The following RBFOX3 variants were observed in gnomAD, a reference collection of about 807,000 sequenced individuals.
RBFOX3 encodes RNA binding protein fox-1 homolog 3.
In RBFOX3, 17 loss-of-function variants were observed where a neutral mutation model predicts 48.7. That is an observed-to-expected ratio of 0.35 (90% CI 0.24 to 0.52). The LOEUF is 0.52. RBFOX3 is among the 20% of genes least tolerant of loss of function. The pLI is 0.94. For synonymous variants in RBFOX3, 212 were observed against 209.5 expected, an observed-to-expected ratio of 1.01 and a Z score of -0.10; for missense variants, 382 against 497.5, an observed-to-expected ratio of 0.77 and a Z score of 2.21.
chr17:79,525,608 G>C (rs1047701233), intron 1 of RBFOX3, among the ~76,000 whole-genome samples: 1 of 152,176 alleles, frequency 6.6e-6, no homozygotes, highest in Non-Finnish European at 1.5e-5. Flanking sequence ...TCACATACGT[G>C]TAATCAAATC....
chr17:79,608,652 T>G (rs2093893818), intron 1 of RBFOX3, among the ~76,000 whole-genome samples: 1 of 152,130 alleles, frequency 6.6e-6, no homozygotes, highest in Admixed American at 6.5e-5. Flanking sequence ...TCTTGCTCCT[T>G]AACCCCTTCA....
intron 1 of RBFOX3, among the ~76,000 whole-genome samples, chr17:79,576,543 T>C (rs1225090773): frequency 7.4e-6 from 1 of 134,982 alleles, no homozygotes; most frequent in Non-Finnish European, 1.6e-5. Flanking sequence ...CATGGAGAAG[T>C]TGGAGATGAT....
At chr17:79,143,945 C>A (rs34789059) in intron 4 of RBFOX3, among the ~76,000 whole-genome samples, 38,001 of 152,208 alleles carry the variant, frequency 0.25, 5,074 homozygotes, top group Non-Finnish European at 0.31. Context: ...ACGGACACCC[C>A]CATCCTTCCA....
At chr17:79,127,577 T>G (rs2037633590) in intron 4 of RBFOX3, among the ~76,000 whole-genome samples, 1 of 152,172 alleles carries the variant, frequency 6.6e-6, no homozygotes, top group Non-Finnish European at 1.5e-5. Context: ...GGATGAAGAT[T>G]AAGCTGGAAA....
At chr17:79,262,918 G>A (rs1403086671) in intron 3 of RBFOX3, among the ~76,000 whole-genome samples, 2 of 152,274 alleles carry the variant, frequency 1.3e-5, no homozygotes, top group Admixed American at 1.3e-4. Flanking sequence ...GTTTCAGGTG[G>A]CCTGGCTGCC....
intron 2 of RBFOX3, among the ~76,000 whole-genome samples, chr17:79,372,719 T>G (rs1034474368): frequency 2.0e-5 from 3 of 151,786 alleles, no homozygotes; most frequent in Non-Finnish European, 2.9e-5. Flanking sequence ...GATTAACCCT[T>G]CTCATGCTCC....
chr17:79,468,707 C>T (rs1000195508), intron 2 of RBFOX3, among the ~76,000 whole-genome samples: 16 of 110,692 alleles, frequency 1.4e-4, no homozygotes, highest in South Asian at 1.4e-3. Context: ...GGAGGATAGA[C>T]GAATGGATGC....
chr17:79,444,480 A>G (rs1462068379), intron 2 of RBFOX3, among the ~76,000 whole-genome samples: 2 of 152,096 alleles, frequency 1.3e-5, no homozygotes, highest in African/African-American at 4.8e-5. Flanking sequence ...CAAAGCCCAC[A>G]TAGGCCGGTG....
At chr17:79,416,180 A>G (rs1437963046) in intron 2 of RBFOX3, among the ~76,000 whole-genome samples, 2 of 152,134 alleles carry the variant, frequency 1.3e-5, no homozygotes, top group Non-Finnish European at 2.9e-5. Flanking sequence ...GTCTCAGCTC[A>G]CCTGGGAGGG....
chr17:79,546,826 C>T (rs1227808945), intron 1 of RBFOX3, among the ~76,000 whole-genome samples: 2 of 151,998 alleles, frequency 1.3e-5, no homozygotes, highest in African/African-American at 4.8e-5. Context: ...TACACCACCA[C>T]ACCCGGCTAA....
At chr17:79,642,400 T>A in the RBFOX3 span, among the ~76,000 whole-genome samples, 2 of 152,340 alleles carry the variant, frequency 1.3e-5, no homozygotes, top group East Asian at 1.9e-4. Flanking sequence ...GTGATAGGCA[T>A]GTTAATTTGC....
intron 6 of RBFOX3, among the ~76,000 whole-genome samples, chr17:79,104,884 C>T (rs892862654): frequency 6.6e-6 from 1 of 151,882 alleles, no homozygotes; most frequent in Non-Finnish European, 1.5e-5. Context: ...GGACCCTGCA[C>T]AGCCTGTCAT....
intron 2 of RBFOX3, among the ~76,000 whole-genome samples, chr17:79,469,549 C>T (rs1005332082): frequency 7.9e-5 from 12 of 152,176 alleles, no homozygotes; most frequent in Admixed American, 6.5e-4. Context: ...ACCACCTGCT[C>T]GCACCTCACA....
intron 1 of RBFOX3, among the ~76,000 whole-genome samples, chr17:79,568,757 A>G (rs936782054): frequency 5.9e-5 from 9 of 152,196 alleles, no homozygotes; most frequent in African/African-American, 2.2e-4. Context: ...CATTTAAAAA[A>G]TCCTTCGCTC....
At chr17:79,328,103 G>C (rs947353792) in intron 2 of RBFOX3, among the ~76,000 whole-genome samples, 1 of 152,222 alleles carries the variant, frequency 6.6e-6, no homozygotes, top group African/African-American at 2.4e-5. Flanking sequence ...AGTGGAAAAG[G>C]TGGTCAGGTA....
At chr17:79,342,518 A>C (rs1311074515) in intron 2 of RBFOX3, among the ~76,000 whole-genome samples, 1 of 152,204 alleles carries the variant, frequency 6.6e-6, no homozygotes, top group African/African-American at 2.4e-5. Flanking sequence ...GGGCTACAGG[A>C]GAGCCATGGG....
At chr17:79,584,621 G>T (rs1017287680) in intron 1 of RBFOX3, among the ~76,000 whole-genome samples, 5 of 152,116 alleles carry the variant, frequency 3.3e-5, no homozygotes, top group African/African-American at 1.2e-4. Flanking sequence ...CATTCACAGC[G>T]ACGTGGATGG....
intron 4 of RBFOX3, among the ~76,000 whole-genome samples, chr17:79,145,939 G>A (rs1347664494): frequency 6.6e-6 from 1 of 152,146 alleles, no homozygotes; most frequent in Non-Finnish European, 1.5e-5. Flanking sequence ...GTTGGGGAGG[G>A]ATGGTTTTGG....
At chr17:79,451,221 T>C (rs143297336) in intron 2 of RBFOX3, among the ~76,000 whole-genome samples, 6 of 152,224 alleles carry the variant, frequency 3.9e-5, no homozygotes, top group African/African-American at 1.4e-4. Context: ...ACCTGAGTAG[T>C]AAATGAGAAA....
Sources: allele counts gnomAD v4.1 joint callset (sites outside exome capture counted in the v4.1 genomes callset), GRCh38; gene constraint gnomAD v4.1.1; transcripts MANE v1.5; gene names NCBI Gene and HGNC (gene_info 2026-07-23, HGNC 2026-07-21).